The following ABCA9 variants were observed in gnomAD, a reference collection of about 807,000 sequenced individuals.
The protein encoded by ABCA9 is ATP binding cassette subfamily A member 9, also known as ATP-binding cassette sub-family A member 9.
ABCA9 carries 183 observed loss-of-function variants against 205.3 expected under a neutral mutation model. The observed-to-expected ratio is 0.89, with a 90% CI of 0.79 to 1.01. The LOEUF (loss-of-function observed/expected upper bound fraction) is 1.01, where lower values mean the gene tolerates loss of function less well. Ranked by LOEUF, ABCA9 falls within the 50% of genes least tolerant of loss-of-function variation. The pLI is 0.00. For synonymous variants in ABCA9, 651 were observed against 683.3 expected (o/e 0.95, Z 0.74); for missense variants, 1,805 against 1,912.4 (o/e 0.94, Z 1.05).
intron 9 of ABCA9, chr17:69,032,930 TC>T (rs2071202064): frequency 6.6e-6 from 1 of 152,274 alleles, no homozygotes; most frequent in Non-Finnish European, 1.5e-5. Flanking sequence ...TTCTGCCTCT[TC>T]CTTAGCACTT....
chr17:69,024,082 G>T, intron 17 of ABCA9, 132 bp downstream of exon 17: 1 of 966,404 alleles, frequency 1.0e-6, no homozygotes, highest in Non-Finnish European at 1.5e-6. Flanking sequence ...CCTTGGAGTT[G>T]GGAATATTAA....
In ABCA9 at chr17:68,975,739, G is replaced by A. The variant is rs1474564133; in HGVS notation, c.*176C>T. On this transcript the variant is annotated 3_prime_UTR_variant, in exon 39 of 39. Transcript: ENST00000340001. Reference sequence around the variant, plus strand: ...GGTATGGCTTAGGCTTATGCCCTATGATCGCCCTCACTGACATCGCCTGTT... The same window carrying A: ...GGTATGGCTTAGGCTTATGCCCTATAATCGCCCTCACTGACATCGCCTGTT... 3.4e-6 allele frequency: 2 copies of A among 593,564 alleles called. No individual in the cohort carries two copies. The highest frequency in any genetic ancestry group is 2.0e-5 in the South Asian group (1 of 49,066). The allele number at this position is 593,564 out of a possible 1,614,324, so 36.8% of individuals were successfully genotyped here.
intron 6 of ABCA9, among the ~76,000 whole-genome samples, chr17:69,037,898 C>T (rs1190633862): frequency 6.6e-6 from 1 of 152,078 alleles, no homozygotes; most frequent in Non-Finnish European, 1.5e-5. Context: ...CACCACTGAT[C>T]CCACAGAAAT....
At chr17:68,989,458 T>C (rs1322738143) in intron 30 of ABCA9, among the ~76,000 whole-genome samples, 1 of 152,154 alleles carries the variant, frequency 6.6e-6, no homozygotes, top group African/African-American at 2.4e-5. Context: ...TTTCACGAAA[T>C]GGGCTGTTTT....
At position 69,033,783 on chromosome 17, in the gene ABCA9, C is replaced by T. The variant is rs2071240808; in HGVS notation, c.1219G>A (p.Val407Ile). 6.2e-7 allele frequency: 1 copy of T among 1,611,872 alleles called. No homozygotes were observed. Among genetic ancestry groups the T allele is most frequent in the East Asian group, 2.2e-5 (1 of 44,700 alleles). Residue 407 changes from valine (V) to isoleucine (I), a missense_variant, in exon 9 of 39, where the codon GTT becomes ATT. Coordinates refer to ENST00000340001, the MANE Select transcript of ABCA9 (RefSeq NM_080283.4). The stretch of plus-strand genomic sequence containing the variant: ...ACCAAATACAGAAGGGTGTCAAAAA[C>T]CAACATGAAAAGAGTAGCTATTATG... ...YLIIATLFML[V>I]FDTLLYLVLT...
chr17:69,029,242 G>A lies in ABCA9; in HGVS notation c.1446-15C>T, dbSNP rs775528208. Reference sequence around the variant, plus strand: ...GATTTTTGATTCTGAAAAAAAGAGGGAAATGTTTTCAGAGAATTGTAAAAA... The same window carrying A: ...GATTTTTGATTCTGAAAAAAAGAGGAAAATGTTTTCAGAGAATTGTAAAAA... On this transcript the variant is annotated splice_polypyrimidine_tract_variant and intron_variant, in intron 10 of 38. Coordinates refer to ENST00000340001, the MANE Select transcript of ABCA9 (RefSeq NM_080283.4). 2.0e-6 allele frequency: 3 copies of A among 1,508,634 alleles called. No homozygotes were observed. Among genetic ancestry groups the A allele is most frequent in the East Asian group, 2.3e-5 (1 of 43,262 alleles). The allele number at this position is 1,508,634 out of a possible 1,614,324, so 93.5% of individuals were successfully genotyped here. A position where few individuals can be genotyped will look rare whatever the true frequency, so the allele number is the denominator to read the frequency against.
chr17:69,044,153 T>G (rs145546308), intron 5 of ABCA9, among the ~76,000 whole-genome samples: 145 of 152,280 alleles, frequency 9.5e-4, no homozygotes, highest in African/African-American at 3.4e-3. Flanking sequence ...TAATCATGTC[T>G]GTGAATAGCC....
At chr17:69,026,260 G>T in intron 16 of ABCA9, 117 bp downstream of exon 16, 1 of 745,224 alleles carries the variant, frequency 1.3e-6, no homozygotes, top group African/African-American at 1.8e-5. Flanking sequence ...TTCTACCATA[G>T]CTCCCTTGAA....
the ABCA9 span, among the ~76,000 whole-genome samples, chr17:69,068,537 A>G: frequency 6.6e-6 from 1 of 152,230 alleles, no homozygotes; most frequent in Non-Finnish European, 1.5e-5. Flanking sequence ...CAGGAAAACA[A>G]AGCTAAAAGG....
chr17:69,019,726 A>T (rs1297261625), intron 19 of ABCA9, among the ~76,000 whole-genome samples: 2 of 152,160 alleles, frequency 1.3e-5, no homozygotes, highest in Non-Finnish European at 2.9e-5. Flanking sequence ...TCCTGATGAT[A>T]AGGCTGAAGC....
chr17:69,065,792 C>A (rs1420676901), upstream of ABCA9, among the ~76,000 whole-genome samples: 1 of 152,124 alleles, frequency 6.6e-6, no homozygotes, highest in African/African-American at 2.4e-5. Context: ...TCCCATAATC[C>A]CCATGTGTCG....
At chr17:69,018,640 T>C (rs2070718361) in intron 19 of ABCA9, 61 bp from the exon 20 acceptor site, 1 of 1,257,504 alleles carries the variant, frequency 8.0e-7, no homozygotes, top group African/African-American at 1.6e-5. Context: ...GGTTTTTAAG[T>C]TTGAAGGTAT....
At chr17:68,998,457 T>G (rs1159755455) in intron 25 of ABCA9, among the ~76,000 whole-genome samples, 1 of 152,216 alleles carries the variant, frequency 6.6e-6, no homozygotes, top group East Asian at 1.9e-4. Flanking sequence ...GTTGGAAGTT[T>G]TCTCTTTTAT....
At chr17:69,012,823 G>A (rs1403679017) in intron 22 of ABCA9, among the ~76,000 whole-genome samples, 1 of 152,000 alleles carries the variant, frequency 6.6e-6, no homozygotes, top group African/African-American at 2.4e-5. Flanking sequence ...AAAATACTAG[G>A]TCTTATTCAT....
rs772303346 is a variant in ABCA9, at chr17:69,035,785, T to C, written c.817A>G (p.Met273Val). 6.2e-7 allele frequency: 1 copy of C among 1,612,456 alleles called. No homozygotes were observed. Among genetic ancestry groups the C allele is most frequent in the South Asian group, 1.1e-5 (1 of 90,908 alleles). The part of the protein sequence containing the change: ...ESAFWLSWGL[M>V]YAGFILIMAT... ...ATGATAAGGATGAAGCCAGCATACA[T>C]CAAACCCCAGGAAAGCCTAGCAGAG... is the stretch of plus-strand genomic sequence containing the variant. The change falls in exon 7 of 39, where the codon ATG becomes GTG. Residue 273 changes from methionine (M) to valine (V), a missense_variant. Coordinates refer to ENST00000340001, the MANE Select transcript of ABCA9 (RefSeq NM_080283.4).
At chr17:68,988,689 G>A (rs2069332356) in intron 31 of ABCA9, among the ~76,000 whole-genome samples, 1 of 152,160 alleles carries the variant, frequency 6.6e-6, no homozygotes, top group African/African-American at 2.4e-5. Context: ...TCATTATTCT[G>A]ACAGTGGTTT....
intron 3 of ABCA9, among the ~76,000 whole-genome samples, chr17:69,046,254 GCTGA>G (rs1458275103): frequency 6.6e-6 from 1 of 152,084 alleles, no homozygotes; most frequent in African/African-American, 2.4e-5. Context: ...AGTGTAAATG[GCTGA>G]CTGTTACTGA....
the ABCA9 span, among the ~76,000 whole-genome samples, chr17:69,076,336 G>A: frequency 6.6e-6 from 1 of 152,086 alleles, no homozygotes; most frequent in African/African-American, 2.4e-5. Context: ...ATTTGTGTAT[G>A]TTGAACCAAC....
chr17:69,004,016 C>T (rs1322322555), intron 25 of ABCA9, among the ~76,000 whole-genome samples: 2 of 152,098 alleles, frequency 1.3e-5, no homozygotes, highest in Non-Finnish European at 2.9e-5. Context: ...GTTATACTTT[C>T]TTCTAAATTT....
Sources: gnomAD v4.1 joint callset for allele counts (sites outside exome capture counted in the v4.1 genomes callset) on GRCh38, gnomAD v4.1.1 for gene constraint, MANE v1.5 for transcripts, NCBI Gene and HGNC (gene_info 2026-07-23, HGNC 2026-07-21) for gene names.